Variants in CSMD1 observed in about 807,000 individuals in gnomAD.
The protein encoded by CSMD1 is CUB and Sushi multiple domains 1.
A neutral mutation model predicts 417.5 loss-of-function variants in CSMD1; 213 were observed. The ratio of observed to expected loss-of-function variants is 0.51; its 90% CI spans 0.46 to 0.57. The LOEUF is 0.57. Among genes scored for constraint, CSMD1 ranks in the 20% least tolerant of loss-of-function variants. CSMD1 has a pLI of 0.00. For synonymous variants in CSMD1, 2,862 were observed against 1,736.8 expected (o/e 1.65, Z -16.11); for missense variants, 6,923 against 4,529.7 (o/e 1.53, Z -15.17).
chr8:3,282,916 T>G (rs1802847217), intron 26 of CSMD1, among the ~76,000 whole-genome samples: 1 of 152,196 alleles, frequency 6.6e-6, no homozygotes, highest in African/African-American at 2.4e-5. Flanking sequence ...AAATTCCACT[T>G]GTTTTATGAT....
intron 3 of CSMD1, among the ~76,000 whole-genome samples, chr8:4,133,465 G>T (rs1348874594): frequency 1.3e-5 from 2 of 151,890 alleles, no homozygotes; most frequent in East Asian, 3.9e-4. Context: ...TTTTCTTTCA[G>T]CCCCAAATCA....
At chr8:3,224,399 T>C (rs982609426) in intron 27 of CSMD1, among the ~76,000 whole-genome samples, 2 of 152,222 alleles carry the variant, frequency 1.3e-5, no homozygotes, top group Admixed American at 1.3e-4. Context: ...AGGCGGTTTC[T>C]GGATCTGAAC....
At chr8:4,402,821 CTTTTTTTTTTTTT>C (rs1396591610) in intron 3 of CSMD1, among the ~76,000 whole-genome samples, 1 of 66,352 alleles carries the variant, frequency 1.5e-5, no homozygotes, top group Non-Finnish European at 2.9e-5. Flanking sequence ...TTTTTTTTTT[CTTTTTTTTTTTTT>C]TTTGGAGACA....
chr8:4,703,884 G>A (rs556128867), intron 1 of CSMD1, among the ~76,000 whole-genome samples: 67 of 152,236 alleles, frequency 4.4e-4, no homozygotes, highest in African/African-American at 1.5e-3. Flanking sequence ...GTTGGGGGAC[G>A]GTTTTGGGAT....
At chr8:3,178,023 T>G (rs1211266086) in intron 37 of CSMD1, among the ~76,000 whole-genome samples, 1 of 152,226 alleles carries the variant, frequency 6.6e-6, no homozygotes, top group Non-Finnish European at 1.5e-5. Context: ...ATATTAATAA[T>G]TCAAAGATGC....
chr8:4,386,830 C>T (rs371647940), intron 3 of CSMD1, among the ~76,000 whole-genome samples: 16 of 152,118 alleles, frequency 1.1e-4, no homozygotes, highest in East Asian at 3.9e-4. Flanking sequence ...TAATGTAAAG[C>T]GGAAATAAGA....
In CSMD1 at chr8:4,290,644, G is replaced by A. The variant is rs563739818; in HGVS notation, c.415+129309C>T. 2.0e-5 allele frequency among the ~76,000 whole-genome samples: 3 copies of A among 152,322 alleles called. No individual in the cohort carries two copies. In the East Asian group the frequency reaches 5.8e-4, roughly 29 times the overall value. On this transcript the variant is annotated intron_variant, in intron 3 of 69. Transcript: ENST00000635120. ...ATTTAGGAAAGATTCCTTGTGAGAA[G>A]TATATTCATAATTATGATCCAGGTT...
intron 5 of CSMD1, among the ~76,000 whole-genome samples, chr8:3,928,422 CT>C (rs1809902059): frequency 6.6e-6 from 1 of 152,142 alleles, no homozygotes. Context: ...GCAATGAGTC[CT>C]AACTTTTCAA....
intron 1 of CSMD1, among the ~76,000 whole-genome samples, chr8:4,678,816 G>A (rs1222540953): frequency 1.3e-5 from 2 of 152,030 alleles, no homozygotes; most frequent in Admixed American, 6.6e-5. Context: ...ATGTAGCAAG[G>A]GTGTGGTTTT....
intron 4 of CSMD1, among the ~76,000 whole-genome samples, chr8:4,020,113 G>A (rs1796716092): frequency 6.6e-6 from 1 of 152,076 alleles, no homozygotes; most frequent in Admixed American, 6.5e-5. Context: ...TTCTCTATGT[G>A]TCAGGCTCTT....
intron 7 of CSMD1, among the ~76,000 whole-genome samples, chr8:3,625,722 T>A (rs1166811865): frequency 6.6e-6 from 1 of 152,166 alleles, no homozygotes; most frequent in African/African-American, 2.4e-5. Context: ...TCATTCAACA[T>A]TATTCTTACT....
At chr8:3,390,899 G>A (rs536853258) in intron 17 of CSMD1, among the ~76,000 whole-genome samples, 3 of 151,986 alleles carry the variant, frequency 2.0e-5, no homozygotes, top group South Asian at 2.1e-4. Flanking sequence ...CACAGCCTCC[G>A]AGAGGTTTCA....
In CSMD1 at chr8:3,456,184, A is replaced by G. The variant is rs554944002; in HGVS notation, c.1561+12528T>C. On this transcript the variant is annotated intron_variant, in intron 12 of 69. Coordinates refer to ENST00000635120, the MANE Select transcript of CSMD1 (RefSeq NM_033225.6). ...AAAGCACAGTATTAGGGTGGGAGTG[A>G]CCCAATTTTCCAGGTGCCGTCTGTC... Among the ~76,000 whole-genome samples the G allele has an allele frequency of 4.6e-5, 7 of 152,222 alleles. No individual in the cohort carries two copies. In the South Asian group the frequency reaches 1.5e-3, roughly 32 times the overall value.
intron 10 of CSMD1, among the ~76,000 whole-genome samples, chr8:3,570,185 ATAAAACTAAAG>A (rs1799886673): frequency 6.6e-6 from 1 of 152,254 alleles, no homozygotes; most frequent in Non-Finnish European, 1.5e-5. Flanking sequence ...GATGTTAGCC[ATAAAACTAAAG>A]TAAAAGGAAG....
intron 46 of CSMD1, among the ~76,000 whole-genome samples, chr8:3,099,292 T>C (rs751772721): frequency 6.6e-6 from 1 of 152,134 alleles, no homozygotes; most frequent in African/African-American, 2.4e-5. Context: ...GCTACTGCCA[T>C]AAACGTCACA....
At chr8:3,962,606 A>T (rs191816565) in intron 5 of CSMD1, among the ~76,000 whole-genome samples, 1 of 152,278 alleles carries the variant, frequency 6.6e-6, no homozygotes, top group East Asian at 1.9e-4. Flanking sequence ...TGAAGAGGAA[A>T]GGAGAGGATC....
chr8:4,928,491 G>C (rs981628976), intron 1 of CSMD1, among the ~76,000 whole-genome samples: 9 of 152,108 alleles, frequency 5.9e-5, no homozygotes, highest in South Asian at 4.1e-4. Flanking sequence ...ATAATTATGT[G>C]AGCCTGAGCA....
At chr8:4,119,784 T>G (rs1802375661) in intron 3 of CSMD1, among the ~76,000 whole-genome samples, 1 of 152,188 alleles carries the variant, frequency 6.6e-6, no homozygotes, top group South Asian at 2.1e-4. Flanking sequence ...CAGCCTGAGC[T>G]GAGTAACAAA....
intron 52 of CSMD1, among the ~76,000 whole-genome samples, chr8:3,010,959 C>G (rs1452832499): frequency 6.6e-6 from 1 of 152,070 alleles, no homozygotes; most frequent in East Asian, 1.9e-4. Flanking sequence ...AACTCCTGAC[C>G]TCGTGATCTG....
Sources: allele counts gnomAD v4.1 joint callset (sites outside exome capture counted in the v4.1 genomes callset), GRCh38; gene constraint gnomAD v4.1.1; transcripts MANE v1.5; gene names NCBI Gene and HGNC (gene_info 2026-07-23, HGNC 2026-07-21).